Variants in C1QC observed in about 807,000 individuals in gnomAD.
The protein encoded by C1QC is complement C1q subcomponent subunit C.
In C1QC, 4 loss-of-function variants were observed where a neutral mutation model predicts 5.9. The ratio of observed to expected loss-of-function variants is 0.68; its 90% CI spans 0.33 to 1.55. The LOEUF (loss-of-function observed/expected upper bound fraction) is 1.55, where lower values mean the gene tolerates loss of function less well. C1QC is among the 40% of genes most tolerant of loss of function. The pLI is 0.06. For missense variants in C1QC, 299 were observed against 326.9 expected, an observed-to-expected ratio of 0.91 and a Z score of 0.66; for synonymous variants, 166 against 153.8, an observed-to-expected ratio of 1.08 and a Z score of -0.59.
chr1:22,648,104 A>G lies in C1QC; in HGVS notation c.*321A>G. The G allele has an allele frequency of 2.6e-6, 1 of 385,660 alleles. No homozygotes were observed. Among genetic ancestry groups the G allele is most frequent in the Non-Finnish European group, 4.7e-6 (1 of 210,972 alleles). The allele number at this position is 385,660 out of a possible 1,614,324, so 23.9% of individuals were successfully genotyped here. ...GATATATAAATAAATCATGAAATCA[A>G]TACATATGCCTGGCTCAGATTCCTC... On this transcript the variant is annotated 3_prime_UTR_variant, in exon 3 of 3. Transcript: ENST00000374640.
At chr1:22,646,663 A>G (rs770972801) in intron 2 of C1QC, among the ~76,000 whole-genome samples, 1 of 152,236 alleles carries the variant, frequency 6.6e-6, no homozygotes, top group Non-Finnish European at 1.5e-5. Context: ...AAAAGTTGAA[A>G]AAAATCAGAA....
At position 22,644,077 on chromosome 1, in the gene C1QC, CCTG is replaced by C. The variant is rs760270842; in HGVS notation, c.65_67del (p.Leu22del). 8.9e-6 allele frequency: 14 copies of C among 1,580,792 alleles called. No homozygotes were observed. The highest frequency in any genetic ancestry group is 3.7e-5 in the Admixed American group (2 of 53,684). On this transcript the variant is annotated inframe_deletion, in exon 2 of 3. Transcript: ENST00000374640. ...ACCTTGGGCTGAAGCTGCTGCTGCT[CCTG>C]CTGCTGCTGCCCCTCAGGGGCCAAG...
At chr1:22,646,315 C>G (rs1389365872) in intron 2 of C1QC, among the ~76,000 whole-genome samples, 1 of 152,154 alleles carries the variant, frequency 6.6e-6, no homozygotes, top group Admixed American at 6.5e-5. Context: ...CTGGGGAATC[C>G]ATCTCAGGAG....
chr1:22,648,040 C>A lies in C1QC; in HGVS notation c.*257C>A. On this transcript the variant is annotated 3_prime_UTR_variant, in exon 3 of 3. Coordinates refer to ENST00000374640, the MANE Select transcript of C1QC (RefSeq NM_172369.5). ...ACCAATGCCTTCTGGTACTGCCATT[C>A]TTTTTTTTTTTTTTTTCAAGTATTG... is the stretch of plus-strand genomic sequence containing the variant. 1.7e-5 allele frequency: 6 copies of A among 357,228 alleles called. No individual in the cohort carries two copies. Among genetic ancestry groups the A allele is most frequent in the Non-Finnish European group, 3.1e-5 (6 of 196,136 alleles). 22.1% of individuals were successfully genotyped at this position (357,228 alleles called of 1,614,324 possible). A position where few individuals can be genotyped will look rare whatever the true frequency, so the allele number is the denominator to read the frequency against.
At chr1:22,643,799 C>A (rs149682412) in intron 1 of C1QC, 85 bp downstream of exon 1, 3 of 1,338,158 alleles carry the variant, frequency 2.2e-6, no homozygotes, top group Non-Finnish European at 1.9e-6. Flanking sequence ...GTGCCAGGGG[C>A]AGCTTGGTGT....
At chr1:22,643,892 G>T in intron 1 of C1QC, 119 bp from the exon 2 acceptor site, 2 of 1,394,570 alleles carry the variant, frequency 1.4e-6, no homozygotes, top group Non-Finnish European at 1.9e-6. Context: ...CCATGGTGAG[G>T]CTCCTGGGGG....
chr1:22,644,115 G>T lies in C1QC; in HGVS notation c.92G>T (p.Gly31Val), dbSNP rs776745648. The T allele has an allele frequency of 6.3e-7, 1 of 1,582,530 alleles. No homozygotes were observed. Among genetic ancestry groups the T allele is most frequent in the Non-Finnish European group, 8.6e-7 (1 of 1,165,214 alleles). The change falls in exon 2 of 3, where the codon GGC (glycine) becomes GTC (valine). Residue 31 changes from glycine to valine, a missense_variant. By Grantham distance (109) the Gly-to-Val change is moderately radical. This residue lies in a region of C1QC where 146 missense variants were observed against 144.1 expected (regional missense o/e 1.01). Coordinates refer to ENST00000374640, the MANE Select transcript of C1QC (RefSeq NM_172369.5). Reference protein sequence around the residue: ...LLPLRGQANTGCYGIPGMPGL... With the variant: ...LLPLRGQANTVCYGIPGMPGL... The stretch of plus-strand genomic sequence containing the variant: ...CCCCTCAGGGGCCAAGCCAACACAG[G>T]CTGCTACGGGATCCCAGGGATGCCC...
At chr1:22,643,785 T>G in intron 1 of C1QC, 71 bp downstream of exon 1, 2 of 1,316,878 alleles carry the variant, frequency 1.5e-6, no homozygotes, top group Non-Finnish European at 9.6e-7. Context: ...CTTCCTGAAA[T>G]GTGGTGCCAG....
In C1QC at chr1:22,647,999, G is replaced by T; in HGVS notation, c.*216G>T. The T allele has an allele frequency of 3.4e-6, 2 of 593,790 alleles. No individual in the cohort carries two copies. Among genetic ancestry groups the T allele is most frequent in the South Asian group, 2.1e-5 (1 of 47,004 alleles). 36.8% of individuals were successfully genotyped at this position (593,790 alleles called of 1,614,324 possible). On this transcript the variant is annotated 3_prime_UTR_variant, in exon 3 of 3. Coordinates refer to ENST00000374640, the MANE Select transcript of C1QC (RefSeq NM_172369.5). ...TTCTTTAGGAGTCACTGCTTGTGTG[G>T]TTCCTGGGACACTTAACCAATGCCT...
chr1:22,644,842 T>C (rs1642342663), intron 2 of C1QC, among the ~76,000 whole-genome samples: 1 of 152,162 alleles, frequency 6.6e-6, no homozygotes, highest in South Asian at 2.1e-4. Flanking sequence ...CTTAGGATTC[T>C]GGATAGTTGG....
intron 2 of C1QC, 81 bp from the exon 3 acceptor site, chr1:22,647,146 G>A: frequency 6.6e-7 from 1 of 1,508,960 alleles, no homozygotes; most frequent in Non-Finnish European, 9.0e-7. Context: ...TGCCAGCGCT[G>A]TGTTCCCTGG....
At chr1:22,646,594 G>A (rs754876791) in intron 2 of C1QC, among the ~76,000 whole-genome samples, 2 of 152,112 alleles carry the variant, frequency 1.3e-5, no homozygotes, top group Non-Finnish European at 2.9e-5. Flanking sequence ...GGAAAACTGG[G>A]TGAAGAGTCC....
At position 22,648,030 on chromosome 1, in the gene C1QC, T is replaced by C. The variant is rs558908631; in HGVS notation, c.*247T>C. 1.8e-5 allele frequency: 9 copies of C among 501,870 alleles called. No homozygotes were observed. In the East Asian group the frequency reaches 2.6e-4, roughly 15 times the overall value. The allele number at this position is 501,870 out of a possible 1,614,324, so 31.1% of individuals were successfully genotyped here. A position where few individuals can be genotyped will look rare whatever the true frequency, so the allele number is the denominator to read the frequency against. ...GGGACACTTAACCAATGCCTTCTGG[T>C]ACTGCCATTCTTTTTTTTTTTTTTT... On this transcript the variant is annotated 3_prime_UTR_variant, in exon 3 of 3. Coordinates refer to ENST00000374640, the MANE Select transcript of C1QC (RefSeq NM_172369.5).
chr1:22,646,709 TGCAAGTG>T (rs1409759750), intron 2 of C1QC, among the ~76,000 whole-genome samples: 1 of 152,244 alleles, frequency 6.6e-6, no homozygotes, highest in Non-Finnish European at 1.5e-5. Context: ...AAGGGGCTGA[TGCAAGTG>T]GACAGAACCT....
chr1:22,646,163 C>T (rs1034435813), intron 2 of C1QC, among the ~76,000 whole-genome samples: 6 of 152,170 alleles, frequency 3.9e-5, no homozygotes, highest in African/African-American at 1.2e-4. Context: ...GCTTCCTCAT[C>T]GGCAACATGA....
At chr1:22,644,484 T>TGGCC (rs1157204995) in intron 2 of C1QC, among the ~76,000 whole-genome samples, 6 of 152,146 alleles carry the variant, frequency 3.9e-5, no homozygotes, top group African/African-American at 1.4e-4. Context: ...CCCCCAAAGG[T>TGGCC]GGCCAGGAGG....
chr1:22,646,092 G>GAGTT (rs1642364870), intron 2 of C1QC, among the ~76,000 whole-genome samples: 1 of 152,226 alleles, frequency 6.6e-6, no homozygotes, highest in African/African-American at 2.4e-5. Context: ...CTCCAGACTT[G>GAGTT]AGTTAGAGAC....
rs369345026 is a variant in C1QC at position 22,647,413 on chromosome 1, C to T, written c.368C>T (p.Thr123Met). 1.9e-4 allele frequency: 307 copies of T among 1,613,944 alleles called. No individual in the cohort carries two copies. The highest frequency in any genetic ancestry group is 2.4e-4 in the Non-Finnish European group (286 of 1,180,022). ...RYKQKFQSVF[T>M]VTRQTHQPPA... Reference sequence around the variant, plus strand: ...AAGCAGAAATTCCAGTCAGTGTTCACGGTCACTCGGCAGACCCACCAGCCC... The same window carrying T: ...AAGCAGAAATTCCAGTCAGTGTTCATGGTCACTCGGCAGACCCACCAGCCC... Residue 123 changes from threonine (T) to methionine (M), a missense_variant, in exon 3 of 3, where the codon ACG becomes ATG. Physicochemically the swap from Thr to Met is moderately conservative, Grantham distance 81. This residue lies in a region of C1QC where 9 missense variants were observed against 27.7 expected (regional missense o/e 0.32). Coordinates refer to ENST00000374640, the MANE Select transcript of C1QC (RefSeq NM_172369.5).
At chr1:22,644,497 C>A (rs1005727858) in intron 2 of C1QC, among the ~76,000 whole-genome samples, 1 of 152,182 alleles carries the variant, frequency 6.6e-6, no homozygotes, top group Non-Finnish European at 1.5e-5. Flanking sequence ...CCAGGAGGCT[C>A]ACAGGAGACA....
Sources: allele counts gnomAD v4.1 joint callset (sites outside exome capture counted in the v4.1 genomes callset), GRCh38; gene constraint gnomAD v4.1.1; regional missense constraint gnomAD v4.1.1; transcripts MANE v1.5; gene names NCBI Gene and HGNC (gene_info 2026-07-23, HGNC 2026-07-21).